Variants in MYOF observed in about 807,000 individuals in gnomAD.
MYOF encodes the protein fer-1-like 3, myoferlin.
Under a neutral mutation model 284.2 loss-of-function variants are expected in MYOF, and 244 were observed. The ratio of observed to expected loss-of-function variants is 0.86; its 90% CI spans 0.77 to 0.95. The LOEUF (loss-of-function observed/expected upper bound fraction) is 0.95, where lower values mean the gene tolerates loss of function less well. Ranked by LOEUF, MYOF falls within the 40% of genes least tolerant of loss-of-function variation. MYOF has a pLI of 0.00. For synonymous variants in MYOF, 904 were observed against 919.7 expected (o/e 0.98, Z 0.31); for missense variants, 2,496 against 2,560.6 (o/e 0.97, Z 0.54).
rs1254880592 is a variant in MYOF, at chr10:93,329,795, G to C, written c.4851C>G (p.Asp1617Glu). 1.9e-6 allele frequency: 3 copies of C among 1,614,158 alleles called. No homozygotes were observed. The highest frequency in any genetic ancestry group is 2.5e-6 in the Non-Finnish European group (3 of 1,180,026). ...CATAATCATAGACAGAAATTTTCAG[G>C]TCTTTTTCTTGAGGTAAGTAGCAGC... ...ELSCYLPQEK[D>E]LKISVYDYDT... The change falls in exon 44 of 54, where the codon GAC (aspartate) becomes GAG (glutamate). Residue 1617 changes from aspartate to glutamate, a missense_variant. Around this residue, in one of 3 missense-constraint regions of MYOF, gnomAD observed 2,436 missense variants for 2,480.7 expected, o/e 0.98. Transcript: ENST00000359263.
intron 13 of MYOF, among the ~76,000 whole-genome samples, chr10:93,398,576 G>T (rs1847129599): frequency 6.6e-6 from 1 of 152,084 alleles, no homozygotes; most frequent in Admixed American, 6.6e-5. Flanking sequence ...TCAGGAAATG[G>T]AAACTCAGAG....
chr10:93,357,589 G>A (rs1045986590), intron 29 of MYOF, among the ~76,000 whole-genome samples: 2 of 152,300 alleles, frequency 1.3e-5, no homozygotes, highest in Admixed American at 6.5e-5. Flanking sequence ...TTTAATAAAC[G>A]TAAAACAATG....
intron 1 of MYOF, among the ~76,000 whole-genome samples, chr10:93,467,432 C>G (rs1375127863): frequency 7.0e-6 from 1 of 143,464 alleles, no homozygotes; most frequent in East Asian, 2.1e-4. Flanking sequence ...TTTTTTTGTC[C>G]TTGCGATAGT....
intron 28 of MYOF, 23 bp downstream of exon 28, chr10:93,361,429 A>G (rs750843770): frequency 2.5e-6 from 4 of 1,607,222 alleles, no homozygotes; most frequent in Non-Finnish European, 3.4e-6. Flanking sequence ...AGCCCCAATC[A>G]GGTCACAGAT....
chr10:93,330,979 T>C (rs1293024624), intron 43 of MYOF, among the ~76,000 whole-genome samples: 4 of 152,236 alleles, frequency 2.6e-5, no homozygotes, highest in Admixed American at 2.6e-4. Flanking sequence ...GAAAGAATTC[T>C]TCAGTCAAAT....
intron 4 of MYOF, among the ~76,000 whole-genome samples, chr10:93,428,092 CAT>C (rs901397762): frequency 6.6e-6 from 1 of 152,024 alleles, no homozygotes; most frequent in Non-Finnish European, 1.5e-5. Context: ...TACACACACA[CAT>C]ATGCACACAC....
intron 7 of MYOF, among the ~76,000 whole-genome samples, chr10:93,405,056 G>A (rs2134103396): frequency 6.6e-6 from 1 of 152,302 alleles, no homozygotes; most frequent in South Asian, 2.1e-4. Context: ...TGAAAGAATG[G>A]TAAAATAAAT....
At position 93,414,101 on chromosome 10, in the gene MYOF, C is replaced by T. The variant is rs187946135; in HGVS notation, c.434-4362G>A. ...CAGAGACGTTCTCTCTCTGAAGCCT[C>T]GAGGGAAAAATCCTTCCTGTCTCTT... On this transcript the variant is annotated intron_variant, in intron 5 of 53. Coordinates refer to ENST00000359263, the MANE Select transcript of MYOF (RefSeq NM_013451.4). 3.9e-5 allele frequency among the ~76,000 whole-genome samples: 6 copies of T among 152,326 alleles called. No individual in the cohort carries two copies. The East Asian group carries it at 5.8e-4, about 15-fold the overall frequency.
intron 23 of MYOF, 129 bp downstream of exon 23, chr10:93,374,634 C>A: frequency 2.2e-6 from 2 of 901,060 alleles, no homozygotes; most frequent in Non-Finnish European, 3.2e-6. Flanking sequence ...CTGATTTTTA[C>A]AATCTGTCAG....
chr10:93,333,076 T>C, intron 43 of MYOF, 145 bp downstream of exon 43: 1 of 683,590 alleles, frequency 1.5e-6, no homozygotes, highest in Non-Finnish European at 2.5e-6. Context: ...TTTATCTATT[T>C]ATTACCTGCT....
At chr10:93,381,522 T>C in intron 19 of MYOF, 126 bp from the exon 20 acceptor site, 2 of 971,630 alleles carry the variant, frequency 2.1e-6, no homozygotes, top group Non-Finnish European at 3.1e-6. Context: ...GGGAGAATGT[T>C]CTTGGACCCA....
At chr10:93,396,079 T>A in intron 16 of MYOF, 63 bp downstream of exon 16, 1 of 1,365,690 alleles carries the variant, frequency 7.3e-7, no homozygotes, top group Non-Finnish European at 1.0e-6. Flanking sequence ...CCAGTTCATT[T>A]TTTTCTCAGA....
intron 11 of MYOF, 128 bp from the exon 12 acceptor site, chr10:93,401,672 G>C: frequency 8.1e-7 from 1 of 1,239,488 alleles, no homozygotes; most frequent in Non-Finnish European, 1.1e-6. Flanking sequence ...TGGGGCTTAA[G>C]AGTTCAGCCT....
chr10:93,462,385 A>G (rs918909954), intron 1 of MYOF, among the ~76,000 whole-genome samples: 1 of 152,080 alleles, frequency 6.6e-6, no homozygotes, highest in Non-Finnish European at 1.5e-5. Context: ...AGCCCTTTAC[A>G]TGCATCATTT....
intron 1 of MYOF, among the ~76,000 whole-genome samples, chr10:93,466,783 G>T (rs989013663): frequency 1.3e-5 from 2 of 152,146 alleles, no homozygotes; most frequent in African/African-American, 4.8e-5. Context: ...AGACCTGCCT[G>T]GGAAACATAA....
chr10:93,354,889 G>A (rs569760846), intron 31 of MYOF, among the ~76,000 whole-genome samples: 4 of 152,226 alleles, frequency 2.6e-5, no homozygotes, highest in African/African-American at 9.6e-5. Context: ...TTGTTAAGAG[G>A]ATTAAACAAG....
chr10:93,337,746 C>T (rs969891633), intron 40 of MYOF, 69 bp downstream of exon 40: 1 of 1,357,044 alleles, frequency 7.4e-7, no homozygotes, highest in African/African-American at 1.4e-5. Context: ...TAGTCATCCT[C>T]TTAGCTCTGC....
intron 17 of MYOF, among the ~76,000 whole-genome samples, chr10:93,391,658 T>G (rs780789114): frequency 3.9e-5 from 6 of 152,120 alleles, no homozygotes; most frequent in African/African-American, 7.2e-5. Context: ...AATCTCTTCC[T>G]GCCTCCAAAG....
intron 40 of MYOF, 53 bp downstream of exon 40, chr10:93,337,762 G>T: frequency 6.8e-7 from 1 of 1,476,648 alleles, no homozygotes; most frequent in Non-Finnish European, 9.4e-7. Context: ...TCTGCCTGTG[G>T]CCAGTTTCAA....
Sources: gnomAD v4.1 joint callset for allele counts (sites outside exome capture counted in the v4.1 genomes callset) on GRCh38, gnomAD v4.1.1 for gene constraint, gnomAD v4.1.1 regional missense constraint, MANE v1.5 for transcripts, NCBI Gene and HGNC (gene_info 2026-07-23, HGNC 2026-07-21) for gene names.